The following ABCA13 variants were observed in gnomAD, a reference collection of about 807,000 sequenced individuals.
ABCA13 encodes the protein ATP-binding cassette sub-family A member 13.
ABCA13 carries 476 observed loss-of-function variants against 478.7 expected under a neutral mutation model. The observed-to-expected ratio is 0.99, with a 90% CI of 0.92 to 1.07. ABCA13 has a LOEUF of 1.07. ABCA13 is among the 50% of genes least tolerant of loss of function. The pLI is 0.00. For missense variants in ABCA13, 6,060 were observed against 5,910.6 expected, an observed-to-expected ratio of 1.03 and a Z score of -0.83; for synonymous variants, 2,252 against 2,158.9, an observed-to-expected ratio of 1.04 and a Z score of -1.20.
intron 48 of ABCA13, among the ~76,000 whole-genome samples, chr7:48,505,653 T>C (rs10499683): frequency 0.11 from 16,065 of 152,200 alleles, 1,006 homozygotes; most frequent in East Asian, 0.16. Flanking sequence ...CAGTCCACAA[T>C]GTCCAAGATA....
rs572897415 is a variant in ABCA13 at position 48,292,379 on chromosome 7, G to A, written c.8956-3321G>A. Among the ~76,000 whole-genome samples the A allele has an allele frequency of 6.6e-5, 10 of 152,096 alleles. No homozygotes were observed. The South Asian group carries it at 2.1e-3, about 32-fold the overall frequency. On this transcript the variant is annotated intron_variant, in intron 20 of 61. Coordinates refer to ENST00000435803, the MANE Select transcript of ABCA13 (RefSeq NM_152701.5). ...TGGCCATGTTCTACCACCTCCACCA[G>A]CACCTTTCAGATATGAGCCAGCTCT...
intron 31 of ABCA13, 44 bp from the exon 32 acceptor site, chr7:48,367,750 C>G (rs1158799265): frequency 7.0e-7 from 1 of 1,422,656 alleles, no homozygotes; most frequent in African/African-American, 1.4e-5. Context: ...TTAGTAGAGT[C>G]ATTTTGCTTG....
intron 58 of ABCA13, among the ~76,000 whole-genome samples, chr7:48,603,027 G>A (rs2131492754): frequency 6.6e-6 from 1 of 152,172 alleles, no homozygotes; most frequent in South Asian, 2.1e-4. Context: ...TTGACTCTCT[G>A]TTTGTCTGTT....
rs146190240 is a variant in ABCA13, at chr7:48,475,354, T to A, written c.12975+3755T>A. 3.5e-3 allele frequency among the ~76,000 whole-genome samples: 531 copies of A among 152,300 alleles called. 2 individuals carry two copies. The highest frequency in any genetic ancestry group is 6.0e-3 in the Non-Finnish European group (406 of 68,028). ...GTTCTCTGGTCTTTAGTGTTCATGT[T>A]GAGCCAAGTTGACTGTGTTTTGTTA... On this transcript the variant is annotated intron_variant, in intron 45 of 61. Coordinates refer to ENST00000435803, the MANE Select transcript of ABCA13 (RefSeq NM_152701.5).
intron 3 of ABCA13, among the ~76,000 whole-genome samples, chr7:48,210,432 G>C (rs1785484318): frequency 6.6e-6 from 1 of 151,778 alleles, no homozygotes; most frequent in Non-Finnish European, 1.5e-5. Flanking sequence ...TTTATTTGAA[G>C]TTTTTTTTCT....
At chr7:48,455,931 C>A (rs1471628475) in intron 43 of ABCA13, among the ~76,000 whole-genome samples, 1 of 152,262 alleles carries the variant, frequency 6.6e-6, no homozygotes, top group Non-Finnish European at 1.5e-5. Context: ...AGAAACCGAT[C>A]CCCTAAGTTC....
intron 44 of ABCA13, 43 bp downstream of exon 44, chr7:48,467,088 G>A (rs747128122): frequency 6.5e-7 from 1 of 1,540,080 alleles, no homozygotes; most frequent in Non-Finnish European, 9.0e-7. Flanking sequence ...ACTCCCAACT[G>A]GTAATATTGT....
At chr7:48,208,130 T>G (rs1785161712) in intron 3 of ABCA13, among the ~76,000 whole-genome samples, 3 of 152,128 alleles carry the variant, frequency 2.0e-5, no homozygotes, top group African/African-American at 7.2e-5. Flanking sequence ...CTGGGTTCTC[T>G]GTTCTGTTCC....
At chr7:48,304,724 C>T (rs1027046914) in intron 23 of ABCA13, among the ~76,000 whole-genome samples, 10 of 152,230 alleles carry the variant, frequency 6.6e-5, no homozygotes, top group African/African-American at 2.2e-4. Context: ...CAGCAACACA[C>T]AATTTACCCA....
chr7:48,517,088 A>G lies in ABCA13; in HGVS notation c.13797+207A>G, dbSNP rs144364817. ...AAAGCCATGCCTAGGCTTAGCAACAATTGACGAAAAAATGTTCTGTTTCGG... is the reference window on the plus strand; with the variant it reads ...AAAGCCATGCCTAGGCTTAGCAACAGTTGACGAAAAAATGTTCTGTTTCGG... On this transcript the variant is annotated intron_variant, in intron 52 of 61. Transcript: ENST00000435803. Among the ~76,000 whole-genome samples, 73 of 152,356 alleles carry G rather than the reference A, an allele frequency of 4.8e-4. No homozygotes were observed. In the East Asian group the frequency reaches 0.011, roughly 24 times the overall value.
intron 55 of ABCA13, among the ~76,000 whole-genome samples, chr7:48,554,757 T>G (rs1785623194): frequency 6.6e-6 from 1 of 151,188 alleles, no homozygotes; most frequent in Non-Finnish European, 1.5e-5. Context: ...TATAAGATAA[T>G]ATTATCTGCA....
At chr7:48,324,230 C>T (rs1292558068) in intron 27 of ABCA13, among the ~76,000 whole-genome samples, 1 of 152,152 alleles carries the variant, frequency 6.6e-6, no homozygotes, top group Non-Finnish European at 1.5e-5. Context: ...TTTCCTGGGG[C>T]CTCTGGCTTG....
chr7:48,467,885 C>T (rs780549213), intron 44 of ABCA13, among the ~76,000 whole-genome samples: 4 of 152,162 alleles, frequency 2.6e-5, no homozygotes, highest in Non-Finnish European at 5.9e-5. Flanking sequence ...GACTGAAAAA[C>T]TATTAATGTT....
intron 35 of ABCA13, among the ~76,000 whole-genome samples, chr7:48,377,969 G>T (rs939073561): frequency 2.6e-5 from 4 of 152,190 alleles, no homozygotes; most frequent in African/African-American, 7.2e-5. Context: ...AGAATGATCT[G>T]ATTTCTCCCT....
intron 48 of ABCA13, among the ~76,000 whole-genome samples, chr7:48,496,282 T>C (rs1033686996): frequency 2.0e-5 from 3 of 152,252 alleles, no homozygotes; most frequent in Admixed American, 1.3e-4. Flanking sequence ...CTAGGTGTTA[T>C]AATACATATA....
chr7:48,320,351 G>A (rs1010752438), intron 27 of ABCA13, among the ~76,000 whole-genome samples: 44 of 152,184 alleles, frequency 2.9e-4, no homozygotes, highest in African/African-American at 1.1e-3. Context: ...TTTACTGTTT[G>A]CATTGATTTG....
At chr7:48,572,289 G>A (rs894069742) in intron 55 of ABCA13, among the ~76,000 whole-genome samples, 2 of 151,744 alleles carry the variant, frequency 1.3e-5, no homozygotes, top group Admixed American at 6.6e-5. Context: ...TTCCTTTCTA[G>A]CTCAATTTTT....
intron 51 of ABCA13, among the ~76,000 whole-genome samples, chr7:48,514,414 A>G (rs1831954317): frequency 6.6e-6 from 1 of 152,176 alleles, no homozygotes; most frequent in South Asian, 2.1e-4. Flanking sequence ...TATTTAAAGG[A>G]CTGTCACATG....
chr7:48,286,568 G>C (rs1210104426), intron 19 of ABCA13, among the ~76,000 whole-genome samples: 3 of 151,598 alleles, frequency 2.0e-5, no homozygotes, highest in Admixed American at 1.3e-4. Context: ...GCAGTGGTGC[G>C]ACCTCAGCTC....
Sources: gnomAD v4.1 joint callset for allele counts (sites outside exome capture counted in the v4.1 genomes callset) on GRCh38, gnomAD v4.1.1 for gene constraint, MANE v1.5 for transcripts, NCBI Gene and HGNC (gene_info 2026-07-23, HGNC 2026-07-21) for gene names.